APBB2: variants seen among roughly 807,000 people sequenced by gnomAD.
APBB2 encodes the protein Fe65-like 1.
Under a neutral mutation model 82.5 loss-of-function variants are expected in APBB2, and 38 were observed. That is an observed-to-expected ratio of 0.46 (90% CI 0.36 to 0.60). The LOEUF is 0.60. Among genes scored for constraint, APBB2 ranks in the 20% least tolerant of loss-of-function variants. The pLI, the probability that APBB2 is intolerant of heterozygous loss-of-function variation, is 0.00. For synonymous variants in APBB2, 341 were observed against 368.2 expected, an observed-to-expected ratio of 0.93 and a Z score of 0.85; for missense variants, 772 against 972.3, an observed-to-expected ratio of 0.79 and a Z score of 2.74.
chr4:40,895,919 C>A (rs1377841662), intron 10 of APBB2, among the ~76,000 whole-genome samples: 1 of 152,192 alleles, frequency 6.6e-6, no homozygotes, highest in African/African-American at 2.4e-5. Context: ...AGTGGTAGAT[C>A]CAGGATTCAA....
intron 4 of APBB2, among the ~76,000 whole-genome samples, chr4:41,051,179 A>G (rs1016447565): frequency 6.6e-6 from 1 of 152,112 alleles, no homozygotes; most frequent in Non-Finnish European, 1.5e-5. Flanking sequence ...CCTCCTCCTG[A>G]GCTCACACCC....
At chr4:40,841,709 C>T (rs764489334) in intron 12 of APBB2, among the ~76,000 whole-genome samples, 2 of 152,048 alleles carry the variant, frequency 1.3e-5, no homozygotes, top group African/African-American at 2.4e-5. Flanking sequence ...GACAGAGTAT[C>T]CCTCTGTCAC....
chr4:41,040,064 C>G (rs915831312), intron 4 of APBB2, among the ~76,000 whole-genome samples: 1 of 151,952 alleles, frequency 6.6e-6, no homozygotes, highest in Non-Finnish European at 1.5e-5. Context: ...AAATAGTAGG[C>G]TGAGTCCAAG....
In APBB2 at chr4:40,915,983, A is replaced by G. The variant is rs139862919; in HGVS notation, c.1254+18473T>C. Among the ~76,000 whole-genome samples the G allele has an allele frequency of 1.3e-3, 203 of 152,308 alleles. 1 individual carries two copies. Among genetic ancestry groups the G allele is most frequent in the African/African-American group, 4.7e-3 (196 of 41,578 alleles). On this transcript the variant is annotated intron_variant, in intron 10 of 17. Transcript: ENST00000508593. ...CTGTGTGAGTGAAGTCTGTCTTTAA[A>G]GAGTTTCTTTGGTAACTGCCCAACA...
chr4:41,109,139 G>A (rs1054707476), intron 2 of APBB2, among the ~76,000 whole-genome samples: 3 of 151,990 alleles, frequency 2.0e-5, no homozygotes, highest in Non-Finnish European at 2.9e-5. Context: ...CATGGTTCTC[G>A]CTGTAATCCC....
chr4:40,854,274 A>G (rs1438642314), intron 12 of APBB2, among the ~76,000 whole-genome samples: 1 of 152,230 alleles, frequency 6.6e-6, no homozygotes, highest in African/African-American at 2.4e-5. Flanking sequence ...TGTTCAACAC[A>G]AGCTCTTTAA....
intron 2 of APBB2, among the ~76,000 whole-genome samples, chr4:41,105,424 G>A (rs1454508727): frequency 6.6e-6 from 1 of 152,114 alleles, no homozygotes; most frequent in Non-Finnish European, 1.5e-5. Flanking sequence ...TATCATGGAA[G>A]AAATATGGAG....
intron 10 of APBB2, among the ~76,000 whole-genome samples, chr4:40,912,563 C>T (rs1030446103): frequency 1.2e-4 from 18 of 144,190 alleles, no homozygotes; most frequent in African/African-American, 3.9e-4. Context: ...GCTGACAGAG[C>T]AAGATTCCTT....
intron 6 of APBB2, among the ~76,000 whole-genome samples, chr4:41,007,442 C>A (rs1333852450): frequency 6.6e-6 from 1 of 152,082 alleles, no homozygotes; most frequent in East Asian, 1.9e-4. Context: ...CTATGACAAC[C>A]ATGGATCAAT....
In APBB2 at chr4:41,013,854, C is replaced by G. The variant is rs748739204; in HGVS notation, c.564G>C (p.Glu188Asp). 4 of 1,614,176 alleles carry G rather than the reference C, an allele frequency of 2.5e-6. No homozygotes were observed. The South Asian group carries it at 4.4e-5, about 18-fold the overall frequency. Reference protein sequence around the residue: ...NRGNHHGTAEEKSQPVQGQAS... With the variant: ...NRGNHHGTAEDKSQPVQGQAS... The stretch of plus-strand genomic sequence containing the variant: ...CCTGGCCCTGGACTGGCTGGGATTT[C>G]TCTTCCGCAGTCCCATGGTGATTGC... The change falls in exon 6 of 18, where the codon GAG (glutamate) becomes GAC (aspartate). Residue 188 changes from glutamate (E) to aspartate (D), a missense_variant. Transcript: ENST00000508593.
intron 3 of APBB2, among the ~76,000 whole-genome samples, chr4:41,072,606 T>G (rs1734267744): frequency 6.6e-6 from 1 of 152,224 alleles, no homozygotes; most frequent in South Asian, 2.1e-4. Flanking sequence ...TGATGCCTTT[T>G]TTGTTTATTT....
In APBB2 at chr4:40,982,221, G is replaced by GGAAAGAAAGAAAGAAA. The variant is rs1553893376; in HGVS notation, c.835+31346_835+31361dup. On this transcript the variant is annotated intron_variant, in intron 6 of 17. Coordinates refer to ENST00000508593, the MANE Select transcript of APBB2 (RefSeq NM_004307.2). ...AAAGAAAGAAAAGAAAGAAAAGAAA[G>GGAAAGAAAGAAAGAAA]GAAAGAAAGAAAGAAAGAAAGAAAG... 3.1e-4 allele frequency among the ~76,000 whole-genome samples: 4 copies of GGAAAGAAAGAAAGAAA among 12,904 alleles called. No homozygotes were observed. In the Admixed American group the frequency reaches 4.4e-3, roughly 14 times the overall value. The allele number at this position is 12,904 out of a possible 152,430, so 8.5% of individuals were successfully genotyped here.
In APBB2 at chr4:40,863,380, G is replaced by A. The variant is rs1282109044; in HGVS notation, c.1529+26984C>T. On this transcript the variant is annotated intron_variant, in intron 12 of 17. Coordinates refer to ENST00000508593, the MANE Select transcript of APBB2 (RefSeq NM_004307.2). ...GCCTTTCAAACTTCAATGTGCAAAT[G>A]CATTGTCTGAGGACTTGTTCTGATT... 2.6e-5 allele frequency among the ~76,000 whole-genome samples: 4 copies of A among 152,294 alleles called. No individual in the cohort carries two copies. The East Asian group carries it at 5.8e-4, about 22-fold the overall frequency.
intron 1 of APBB2, among the ~76,000 whole-genome samples, chr4:41,167,224 C>T (rs1408737653): frequency 2.0e-5 from 3 of 152,230 alleles, no homozygotes; most frequent in East Asian, 1.9e-4. Context: ...CCAGCACCTC[C>T]GTGTGCTCAC....
At chr4:40,897,741 A>G (rs1427403484) in intron 10 of APBB2, among the ~76,000 whole-genome samples, 1 of 152,178 alleles carries the variant, frequency 6.6e-6, no homozygotes, top group Non-Finnish European at 1.5e-5. Context: ...TTCTTCCCAA[A>G]GAAGGGAGCA....
chr4:41,097,281 C>A (rs1743822322), intron 3 of APBB2, among the ~76,000 whole-genome samples: 1 of 152,190 alleles, frequency 6.6e-6, no homozygotes, highest in Non-Finnish European at 1.5e-5. Flanking sequence ...GTGACACTTA[C>A]CATTTTGAGC....
At chr4:40,942,191 C>T (rs76810095) in intron 7 of APBB2, among the ~76,000 whole-genome samples, 7,964 of 152,180 alleles carry the variant, frequency 0.052, 238 homozygotes, top group Middle Eastern at 0.078. Context: ...GGGAGAAACA[C>T]GTGTATTATG....
chr4:41,159,299 GAATT>G (rs149187319), intron 1 of APBB2, among the ~76,000 whole-genome samples: 6,184 of 152,200 alleles, frequency 0.041, 137 homozygotes, highest in Middle Eastern at 0.058. Flanking sequence ...GGGAACAGAT[GAATT>G]AATATAAAGT....
At chr4:41,015,202 C>G (rs967257800) in intron 5 of APBB2, among the ~76,000 whole-genome samples, 4 of 152,226 alleles carry the variant, frequency 2.6e-5, no homozygotes. Context: ...AGGAAACTAT[C>G]TGGCAACCGC....
Sources: gnomAD v4.1 joint callset for allele counts (sites outside exome capture counted in the v4.1 genomes callset) on GRCh38, gnomAD v4.1.1 for gene constraint, MANE v1.5 for transcripts, NCBI Gene and HGNC (gene_info 2026-07-23, HGNC 2026-07-21) for gene names.